Variants in MGAT4C observed in about 807,000 individuals in gnomAD.
MGAT4C encodes alpha-1,3-mannosyl-glycoprotein 4-beta-N-acetylglucosaminyltransferase C.
Under a neutral mutation model 40.1 loss-of-function variants are expected in MGAT4C, and 19 were observed. That is an observed-to-expected ratio of 0.47 (90% CI 0.33 to 0.70). MGAT4C has a LOEUF of 0.70. Ranked by LOEUF, MGAT4C falls within the 30% of genes least tolerant of loss-of-function variation. The pLI, the probability that MGAT4C is intolerant of heterozygous loss-of-function variation, is 0.02. For missense variants in MGAT4C, 491 were observed against 563.2 expected (o/e 0.87, Z 1.30); for synonymous variants, 181 against 187.1 (o/e 0.97, Z 0.27).
At chr12:86,756,186 T>C (rs1250062483) in intron 1 of MGAT4C, among the ~76,000 whole-genome samples, 2 of 152,072 alleles carry the variant, frequency 1.3e-5, no homozygotes, top group African/African-American at 2.4e-5. Context: ...TGTTTCAAAG[T>C]GTTCTTGTTG....
intron 2 of MGAT4C, among the ~76,000 whole-genome samples, chr12:86,561,024 C>T (rs1959837555): frequency 6.6e-6 from 1 of 151,852 alleles, no homozygotes; most frequent in South Asian, 2.1e-4. Flanking sequence ...GAAAAAGAAA[C>T]TAAAAAAGCA....
At position 86,211,160 on chromosome 12, in the gene MGAT4C, C is replaced by A. The variant is rs143004980; in HGVS notation, c.-57+45079G>T. 1.9e-4 allele frequency among the ~76,000 whole-genome samples: 29 copies of A among 150,304 alleles called. 1 individual carries two copies. The highest frequency in any genetic ancestry group is 7.1e-4 in the African/African-American group (29 of 40,942). ...CTTTCCCTTTTAACTTTGATTTTGA[C>A]GAGCAAAAGCCCTTGTTAGCATATA... On this transcript the variant is annotated intron_variant, in intron 1 of 4. Transcript: ENST00000611864.
intron 1 of MGAT4C, among the ~76,000 whole-genome samples, chr12:86,168,346 A>C (rs996533506): frequency 6.6e-6 from 1 of 152,174 alleles, no homozygotes; most frequent in African/African-American, 2.4e-5. Context: ...ACAAATCAAG[A>C]CATGTGCCTT....
At chr12:86,616,542 C>A (rs1340334103) in intron 2 of MGAT4C, among the ~76,000 whole-genome samples, 1 of 151,988 alleles carries the variant, frequency 6.6e-6, no homozygotes, top group Admixed American at 6.6e-5. Context: ...ATATCATGAG[C>A]AGAAAATGTA....
intron 4 of MGAT4C, among the ~76,000 whole-genome samples, chr12:86,289,009 T>C (rs1045453253): frequency 3.3e-5 from 5 of 152,204 alleles, no homozygotes; most frequent in African/African-American, 1.2e-4. Context: ...AGAATGGTAT[T>C]GCCTAAGTTG....
chr12:86,289,106 G>C (rs1953434374), intron 4 of MGAT4C, among the ~76,000 whole-genome samples: 1 of 152,102 alleles, frequency 6.6e-6, no homozygotes, highest in African/African-American at 2.4e-5. Flanking sequence ...AAAGGATCCA[G>C]TTTCAATCTT....
chr12:86,486,086 A>G (rs934195933), intron 2 of MGAT4C, among the ~76,000 whole-genome samples: 23 of 152,290 alleles, frequency 1.5e-4, no homozygotes, highest in Admixed American at 5.2e-4. Flanking sequence ...TGGAAGCAAA[A>G]GAACAATACC....
rs577647832 is a variant in MGAT4C, at chr12:86,356,070, T to C, written c.-119-21943A>G. On this transcript the variant is annotated intron_variant, in intron 3 of 7. Transcript: ENST00000548651. ...TAAAATATTAACGCTACATACAGAG[T>C]GAAAAATTATATTTATATATTGTAA... 2.6e-5 allele frequency among the ~76,000 whole-genome samples: 4 copies of C among 151,976 alleles called. No individual in the cohort carries two copies. The South Asian group carries it at 8.3e-4, about 32-fold the overall frequency.
chr12:86,349,456 A>G (rs1191042491), intron 3 of MGAT4C, among the ~76,000 whole-genome samples: 1 of 152,096 alleles, frequency 6.6e-6, no homozygotes, highest in Non-Finnish European at 1.5e-5. Flanking sequence ...TAGGTTCCTG[A>G]GCTCAAAATA....
intron 3 of MGAT4C, among the ~76,000 whole-genome samples, chr12:86,338,984 AG>A (rs1954848932): frequency 2.1e-5 from 3 of 140,932 alleles, no homozygotes; most frequent in African/African-American, 5.3e-5. Context: ...AAAAAAAAAC[AG>A]AGAGAAAGAG....
Position 85,979,656 on chromosome 12 carries a change from G to C in MGAT4C, c.1070C>G (p.Ala357Gly). The C allele has an allele frequency of 6.2e-7, 1 of 1,612,784 alleles. No homozygotes were observed. Among genetic ancestry groups the C allele is most frequent in the East Asian group, 2.2e-5 (1 of 44,854 alleles). Residue 357 changes from alanine to glycine, a missense_variant, in exon 5 of 5, where the codon GCA becomes GGA. Transcript: ENST00000611864. ...ATCAACACTACTGTAAGCCTTGCTT[G>C]CTTCATAATTTTCAAACACATTCAT... ...TNMNVFENYE[A>G]SKAYSSVDEY...
At position 86,325,076 on chromosome 12, in the gene MGAT4C, C is replaced by T. The variant is rs74386000; in HGVS notation, c.-57+8989G>A. 1.2e-3 allele frequency among the ~76,000 whole-genome samples: 183 copies of T among 152,196 alleles called. 2 individuals are homozygous for T. In the East Asian group the frequency reaches 0.033, roughly 28 times the overall value. Reference sequence around the variant, plus strand: ...TTTAATATAAATGTTGCATTCTTCACTTATGCTTCACACATGGATGAACAA... The same window carrying T: ...TTTAATATAAATGTTGCATTCTTCATTTATGCTTCACACATGGATGAACAA... On this transcript the variant is annotated intron_variant, in intron 4 of 7. Coordinates refer to the MGAT4C transcript ENST00000548651.
At chr12:86,212,696 G>A (rs1317142879) in intron 1 of MGAT4C, among the ~76,000 whole-genome samples, 1 of 145,880 alleles carries the variant, frequency 6.9e-6, no homozygotes, top group Admixed American at 6.9e-5. Flanking sequence ...AGACCATCCC[G>A]GCTAAAACGG....
At chr12:86,645,073 C>T (rs986882265) in intron 2 of MGAT4C, among the ~76,000 whole-genome samples, 1 of 151,266 alleles carries the variant, frequency 6.6e-6, no homozygotes, top group African/African-American at 2.4e-5. Context: ...ATGAATACTT[C>T]TGTACAAAAT....
In MGAT4C at chr12:85,978,622, C is replaced by T. The variant is rs1388320198; in HGVS notation, c.*667G>A. ...GGGAAACTTGAAAAAGACTGCTTCC[C>T]CCAGAAAATTTATCAACAATAGGTG... On this transcript the variant is annotated 3_prime_UTR_variant, in exon 5 of 5. Transcript: ENST00000611864. 2.0e-5 allele frequency: 3 copies of T among 151,432 alleles called. No individual in the cohort carries two copies. Among genetic ancestry groups the T allele is most frequent in the Non-Finnish European group, 4.4e-5 (3 of 67,498 alleles). The allele number at this position is 151,432 out of a possible 1,614,324, so 9.4% of individuals were successfully genotyped here. A position where few individuals can be genotyped will look rare whatever the true frequency, so the allele number is the denominator to read the frequency against.
chr12:86,116,797 AG>A (rs1306730175), intron 1 of MGAT4C, among the ~76,000 whole-genome samples: 2 of 152,160 alleles, frequency 1.3e-5, no homozygotes, highest in Non-Finnish European at 2.9e-5. Flanking sequence ...GATAACATAC[AG>A]GATGATTTCA....
At chr12:86,188,584 A>G (rs1165008714) in intron 1 of MGAT4C, among the ~76,000 whole-genome samples, 1 of 152,020 alleles carries the variant, frequency 6.6e-6, no homozygotes, top group Non-Finnish European at 1.5e-5. Context: ...AGTTCAAAAG[A>G]AATAAGAAAT....
intron 4 of MGAT4C, among the ~76,000 whole-genome samples, chr12:86,279,535 T>C (rs2136116351): frequency 1.3e-5 from 2 of 152,090 alleles, no homozygotes; most frequent in Non-Finnish European, 2.9e-5. Context: ...TTTATTTGGG[T>C]CTCCTCTCTC....
At chr12:86,422,106 T>C (rs1316498152) in intron 3 of MGAT4C, among the ~76,000 whole-genome samples, 1 of 152,150 alleles carries the variant, frequency 6.6e-6, no homozygotes, top group African/African-American at 2.4e-5. Flanking sequence ...ATTGACAGAA[T>C]GATGAAAATC....
Sources: gnomAD v4.1 joint callset for allele counts (sites outside exome capture counted in the v4.1 genomes callset) on GRCh38, gnomAD v4.1.1 for gene constraint, MANE v1.5 for transcripts, NCBI Gene and HGNC (gene_info 2026-07-23, HGNC 2026-07-21) for gene names.